Variants in TRPC6 observed in about 807,000 individuals in gnomAD.
TRPC6 encodes the protein short transient receptor potential channel 6.
A neutral mutation model predicts 90.7 loss-of-function variants in TRPC6; 55 were observed. The ratio of observed to expected loss-of-function variants is 0.61; its 90% CI spans 0.49 to 0.76. The LOEUF is 0.76. Ranked by LOEUF, TRPC6 falls within the 30% of genes least tolerant of loss-of-function variation. The pLI, the probability that TRPC6 is intolerant of heterozygous loss-of-function variation, is 0.00. For synonymous variants in TRPC6, 393 were observed against 393.0 expected (o/e 1.00, Z 0.00); for missense variants, 989 against 1,122.7 (o/e 0.88, Z 1.70).
At chr11:101,462,175 ATCTG>A (rs1459517039) in intron 10 of TRPC6, among the ~76,000 whole-genome samples, 1 of 148,042 alleles carries the variant, frequency 6.8e-6, no homozygotes, top group Non-Finnish European at 1.5e-5. Flanking sequence ...TGGTCTATGT[ATCTG>A]TTTTGGTACC....
At chr11:101,491,836 C>CTTTTGTTTTTTTTTT (rs1859825633) in intron 2 of TRPC6, 98 bp from the exon 3 acceptor site, 1 of 382,416 alleles carries the variant, frequency 2.6e-6, no homozygotes, top group African/African-American at 3.6e-5. Context: ...GAGAAACATT[C>CTTTTGTTTTTTTTTT]TTTTTTTTTT....
intron 1 of TRPC6, among the ~76,000 whole-genome samples, chr11:101,557,118 G>C (rs1014149375): frequency 2.6e-5 from 4 of 152,152 alleles, no homozygotes; most frequent in African/African-American, 9.7e-5. Flanking sequence ...CACTTTGGGA[G>C]GCTGAGGTAG....
Position 101,583,732 on chromosome 11 carries a change from G to C in TRPC6, c.-229C>G, listed in dbSNP as rs1008929503. 48 of 447,702 alleles carry C rather than the reference G, an allele frequency of 1.1e-4. No individual in the cohort carries two copies. The highest frequency in any genetic ancestry group is 1.6e-4 in the Non-Finnish European group (43 of 261,098). 27.7% of individuals were successfully genotyped at this position (447,702 alleles called of 1,614,324 possible). On this transcript the variant is annotated 5_prime_UTR_variant, in exon 1 of 13. Coordinates refer to ENST00000344327, the MANE Select transcript of TRPC6 (RefSeq NM_004621.6). ...GGGGGTGCAAAGAGGATCTTGACCT[G>C]AGCAGGTCAGGCCGAGGAGACCCCG...
intron 10 of TRPC6, among the ~76,000 whole-genome samples, chr11:101,460,076 C>A (rs4396256): frequency 0.31 from 47,318 of 151,980 alleles, 9,599 homozygotes; most frequent in African/African-American, 0.58. Flanking sequence ...TACTGTTACT[C>A]TATCAATTTC....
intron 1 of TRPC6, among the ~76,000 whole-genome samples, chr11:101,559,802 A>C: frequency 9.2e-6 from 1 of 108,614 alleles, no homozygotes. Flanking sequence ...ACCCCACAAC[A>C]GGCCCCGGTG....
At chr11:101,559,767 A>T (rs1861672620) in intron 1 of TRPC6, among the ~76,000 whole-genome samples, 2 of 147,544 alleles carry the variant, frequency 1.4e-5, no homozygotes, top group Admixed American at 6.7e-5. Context: ...TATATCTCCT[A>T]ATGCTATCCC....
chr11:101,521,359 T>C (rs2136778199), intron 1 of TRPC6, among the ~76,000 whole-genome samples: 1 of 152,320 alleles, frequency 6.6e-6, no homozygotes, highest in East Asian at 1.9e-4. Flanking sequence ...CCTTGGTGGC[T>C]TCCATGTCAT....
intron 10 of TRPC6, 89 bp downstream of exon 10, chr11:101,469,338 G>C (rs935056779): frequency 1.4e-5 from 10 of 699,072 alleles, no homozygotes; most frequent in East Asian, 8.0e-5. Context: ...TTCTCTACTT[G>C]CTAAAATTGC....
At chr11:101,530,737 G>A (rs1031994822) in intron 1 of TRPC6, among the ~76,000 whole-genome samples, 1 of 152,148 alleles carries the variant, frequency 6.6e-6, no homozygotes. Flanking sequence ...CCTGGTAACA[G>A]GCCTGCCAAC....
chr11:101,472,063 C>G (rs1359965444), intron 8 of TRPC6, 74 bp downstream of exon 8: 1 of 1,408,662 alleles, frequency 7.1e-7, no homozygotes, highest in African/African-American at 1.4e-5. Context: ...ATGCTTTCAT[C>G]CCCATTGCTG....
At chr11:101,484,846 C>T (rs1859639410) in intron 4 of TRPC6, among the ~76,000 whole-genome samples, 1 of 151,882 alleles carries the variant, frequency 6.6e-6, no homozygotes, top group African/African-American at 2.4e-5. Context: ...TTATAAGATA[C>T]ACTTTTAAAT....
At chr11:101,461,209 A>T (rs1201347248) in intron 10 of TRPC6, among the ~76,000 whole-genome samples, 1 of 152,208 alleles carries the variant, frequency 6.6e-6, no homozygotes, top group Non-Finnish European at 1.5e-5. Flanking sequence ...TTCTTATGTG[A>T]TATGTGCAGA....
chr11:101,515,824 G>A (rs943523348), intron 1 of TRPC6, among the ~76,000 whole-genome samples: 6 of 151,950 alleles, frequency 3.9e-5, no homozygotes, highest in Admixed American at 3.3e-4. Flanking sequence ...TGTTTCTCTA[G>A]CTTTATCAAT....
At chr11:101,524,253 T>A (rs1244083920) in intron 1 of TRPC6, among the ~76,000 whole-genome samples, 1 of 152,208 alleles carries the variant, frequency 6.6e-6, no homozygotes, top group Non-Finnish European at 1.5e-5. Context: ...GCCATTTTTT[T>A]ATTTTTTATT....
intron 3 of TRPC6, among the ~76,000 whole-genome samples, chr11:101,489,743 T>C (rs1238816128): frequency 2.0e-5 from 3 of 151,880 alleles, no homozygotes; most frequent in African/African-American, 4.8e-5. Context: ...AAAATAAAAA[T>C]TGGTAAAGAA....
chr11:101,564,740 C>G (rs1591141357), intron 1 of TRPC6, among the ~76,000 whole-genome samples: 1 of 151,870 alleles, frequency 6.6e-6, no homozygotes, highest in Admixed American at 6.6e-5. Context: ...TACAGAACAA[C>G]AAGAGAATCC....
intron 1 of TRPC6, among the ~76,000 whole-genome samples, chr11:101,527,719 C>T (rs4466798): frequency 0.34 from 51,505 of 151,616 alleles, 9,272 homozygotes; most frequent in Middle Eastern, 0.38. Context: ...GATTTTTTTT[C>T]CTATAGTTCT....
chr11:101,564,978 T>A (rs1280507558), intron 1 of TRPC6, among the ~76,000 whole-genome samples: 1 of 151,984 alleles, frequency 6.6e-6, no homozygotes, highest in Non-Finnish European at 1.5e-5. Context: ...GAAAAGATAG[T>A]CTCTTCAATA....
At chr11:101,545,581 G>C (rs1861284339) in intron 1 of TRPC6, among the ~76,000 whole-genome samples, 1 of 152,138 alleles carries the variant, frequency 6.6e-6, no homozygotes, top group African/African-American at 2.4e-5. Context: ...GATCGTCTGG[G>C]TCTTTTGACT....
Sources: allele counts gnomAD v4.1 joint callset (sites outside exome capture counted in the v4.1 genomes callset), GRCh38; gene constraint gnomAD v4.1.1; transcripts MANE v1.5; gene names NCBI Gene and HGNC (gene_info 2026-07-23, HGNC 2026-07-21).